Variants in ZNF385D observed in about 807,000 individuals in gnomAD.
ZNF385D encodes the protein zinc finger protein 659.
In ZNF385D, 15 loss-of-function variants were observed where a neutral mutation model predicts 35.8. The observed-to-expected ratio is 0.42, with a 90% CI of 0.28 to 0.64. The LOEUF is 0.64. ZNF385D is among the 30% of genes least tolerant of loss of function. The pLI is 0.23. For missense variants in ZNF385D, 474 were observed against 494.6 expected (o/e 0.96, Z 0.39); for synonymous variants, 212 against 186.8 (o/e 1.13, Z -1.10).
chr3:22,145,476 C>G (rs1704793313), intron 3 of ZNF385D, among the ~76,000 whole-genome samples: 1 of 152,242 alleles, frequency 6.6e-6, no homozygotes, highest in Non-Finnish European at 1.5e-5. Context: ...TAGACAGACT[C>G]TTTGCCTATG....
In ZNF385D at chr3:22,078,152, C is replaced by T. The variant is rs568170815; in HGVS notation, c.325+90665G>A. Reference sequence around the variant, plus strand: ...AATTTCCTAGGCTCATTATCGGAAACGTCAAACTGGATATGCAATGTTCAA... The same window carrying T: ...AATTTCCTAGGCTCATTATCGGAAATGTCAAACTGGATATGCAATGTTCAA... On this transcript the variant is annotated intron_variant, in intron 3 of 5. Transcript: ENST00000494108. 1.5e-4 allele frequency among the ~76,000 whole-genome samples: 23 copies of T among 152,036 alleles called. No individual in the cohort carries two copies. In the East Asian group the frequency reaches 2.1e-3, roughly 14 times the overall value.
At chr3:22,011,751 T>G (rs1395462771) in intron 3 of ZNF385D, among the ~76,000 whole-genome samples, 1 of 152,120 alleles carries the variant, frequency 6.6e-6, no homozygotes, top group East Asian at 1.9e-4. Flanking sequence ...ATTATCCCAT[T>G]TAAGTTACTG....
intron 3 of ZNF385D, among the ~76,000 whole-genome samples, chr3:22,005,433 G>A (rs906727483): frequency 2.6e-5 from 4 of 152,008 alleles, no homozygotes; most frequent in South Asian, 2.1e-4. Flanking sequence ...CAGTAGTGTC[G>A]CAGGGTAACT....
At chr3:22,070,207 G>C (rs968385245) in intron 3 of ZNF385D, among the ~76,000 whole-genome samples, 1 of 151,956 alleles carries the variant, frequency 6.6e-6, no homozygotes, top group African/African-American at 2.4e-5. Context: ...ATTTAAATCA[G>C]TGGCCCCATC....
At chr3:22,033,264 T>C (rs558675309) in intron 3 of ZNF385D, among the ~76,000 whole-genome samples, 39 of 151,884 alleles carry the variant, frequency 2.6e-4, no homozygotes, top group Non-Finnish European at 4.9e-4. Flanking sequence ...CAGCCTGGCA[T>C]GGTGGCGCGT....
At chr3:21,865,044 A>ATTT (rs1477561888) in intron 3 of ZNF385D, among the ~76,000 whole-genome samples, 3 of 32,762 alleles carry the variant, frequency 9.2e-5, no homozygotes, top group East Asian at 9.3e-4. Context: ...TACAGGGAAG[A>ATTT]CTTTTTTTTT....
chr3:22,317,989 G>A (rs1338021210), intron 2 of ZNF385D, among the ~76,000 whole-genome samples: 1 of 151,918 alleles, frequency 6.6e-6, no homozygotes, highest in Non-Finnish European at 1.5e-5. Flanking sequence ...AGCTCAGGAG[G>A]CAGAGGTTGC....
At chr3:22,326,501 T>TTATC in intron 2 of ZNF385D, among the ~76,000 whole-genome samples, 1 of 152,258 alleles carries the variant, frequency 6.6e-6, no homozygotes, top group South Asian at 2.1e-4. Flanking sequence ...CACTTTCAGG[T>TTATC]ATTTTCCATG....
rs145292435 is a variant in ZNF385D at position 22,203,539 on chromosome 3, C to T, written c.107-34504G>A. On this transcript the variant is annotated intron_variant, in intron 2 of 5. Transcript: ENST00000494108. ...CAGCTCAGCCACAAGGATAGAGTATCGAGGAGGCTCTTGGGATCTGCAGTT... is the reference window on the plus strand; with the variant it reads ...CAGCTCAGCCACAAGGATAGAGTATTGAGGAGGCTCTTGGGATCTGCAGTT... 1.6e-3 allele frequency among the ~76,000 whole-genome samples: 237 copies of T among 152,162 alleles called. 1 individual carries two copies. Among genetic ancestry groups the T allele is most frequent in the African/African-American group, 5.2e-3 (217 of 41,542 alleles).
At position 21,694,190 on chromosome 3, in the gene ZNF385D, CCCG is replaced by C. The variant is rs1196772177; in HGVS notation, c.23-29165_23-29163del. 4.6e-5 allele frequency among the ~76,000 whole-genome samples: 7 copies of C among 151,726 alleles called. No individual in the cohort carries two copies. The East Asian group carries it at 1.2e-3, about 25-fold the overall frequency. Reference sequence around the variant, plus strand: ...TCCCGAGTAGCTGGGACTACAGGCGCCCGCCACCACGCCCGGCTAATTTTTTGT... The same window carrying C: ...TCCCGAGTAGCTGGGACTACAGGCGCCCACCACGCCCGGCTAATTTTTTGT... On this transcript the variant is annotated intron_variant, in intron 1 of 7. Coordinates refer to ENST00000281523, the MANE Select transcript of ZNF385D (RefSeq NM_024697.3).
At chr3:21,816,652 G>C (rs538980892) in intron 3 of ZNF385D, among the ~76,000 whole-genome samples, 23 of 152,102 alleles carry the variant, frequency 1.5e-4, no homozygotes, top group Non-Finnish European at 8.8e-5. Flanking sequence ...TCTTCAAGGA[G>C]AACTACAAAC....
At chr3:22,223,500 G>A (rs961485084) in intron 2 of ZNF385D, among the ~76,000 whole-genome samples, 1 of 151,900 alleles carries the variant, frequency 6.6e-6, no homozygotes, top group African/African-American at 2.4e-5. Context: ...GTAAATTGGG[G>A]GTGTAATAGT....
At chr3:22,126,244 G>C (rs1375271256) in intron 3 of ZNF385D, among the ~76,000 whole-genome samples, 1 of 148,254 alleles carries the variant, frequency 6.7e-6, no homozygotes, top group Non-Finnish European at 1.5e-5. Context: ...AGCCATCCTT[G>C]ATCCATGCAA....
chr3:22,315,108 G>A (rs779871079), intron 2 of ZNF385D, among the ~76,000 whole-genome samples: 1 of 152,084 alleles, frequency 6.6e-6, no homozygotes, highest in African/African-American at 2.4e-5. Context: ...AATAGAGAAC[G>A]TAAAATCAGG....
intron 1 of ZNF385D, among the ~76,000 whole-genome samples, chr3:21,702,525 A>T (rs1018601618): frequency 1.3e-5 from 2 of 152,216 alleles, no homozygotes; most frequent in Non-Finnish European, 2.9e-5. Context: ...TTGGGGATTA[A>T]CATTAGGCTC....
intron 3 of ZNF385D, among the ~76,000 whole-genome samples, chr3:21,972,016 C>T (rs1703290663): frequency 6.6e-6 from 1 of 151,894 alleles, no homozygotes; most frequent in Non-Finnish European, 1.5e-5. Context: ...TAGTTGGAGA[C>T]TTCAACATCC....
chr3:21,653,776 A>C (rs933253447), intron 2 of ZNF385D, among the ~76,000 whole-genome samples: 1 of 152,052 alleles, frequency 6.6e-6, no homozygotes, highest in Non-Finnish European at 1.5e-5. Context: ...ATCCGGAAAA[A>C]AAAAGGCATT....
At chr3:21,782,822 G>GT (rs1269225489) in intron 3 of ZNF385D, among the ~76,000 whole-genome samples, 1 of 152,084 alleles carries the variant, frequency 6.6e-6, no homozygotes, top group African/African-American at 2.4e-5. Flanking sequence ...TAATAAAAAT[G>GT]TAGGTCATGG....
chr3:21,763,112 A>C (rs866022951), intron 3 of ZNF385D, among the ~76,000 whole-genome samples: 1 of 152,176 alleles, frequency 6.6e-6, no homozygotes, highest in East Asian at 1.9e-4. Context: ...TAACTCCCCC[A>C]AAAGCTCTTG....
Sources: allele counts gnomAD v4.1 joint callset (sites outside exome capture counted in the v4.1 genomes callset), GRCh38; gene constraint gnomAD v4.1.1; transcripts MANE v1.5; gene names NCBI Gene and HGNC (gene_info 2026-07-23, HGNC 2026-07-21).